NBN: variants seen among roughly 807,000 people sequenced by gnomAD.
The protein encoded by NBN is Nijmegen breakage syndrome 1 (nibrin).
A neutral mutation model predicts 90.8 loss-of-function variants in NBN; 88 were observed. The ratio of observed to expected loss-of-function variants is 0.97; its 90% CI spans 0.82 to 1.16. NBN has a LOEUF of 1.16. NBN is among the 50% of genes most tolerant of loss of function. The probability of loss-of-function intolerance (pLI) is 0.00; values close to 1 mark genes in which losing one functional copy is unlikely to be tolerated. For missense variants in NBN, 894 were observed against 869.6 expected (o/e 1.03, Z -0.35); for synonymous variants, 328 against 295.1 (o/e 1.11, Z -1.14).
At position 89,984,541 on chromosome 8, in the gene NBN, G is replaced by A. The variant is rs370050587; in HGVS notation, c.21C>T (p.Ala7=). The A allele has an allele frequency of 2.5e-6, 4 of 1,613,178 alleles. No homozygotes were observed. The highest frequency in any genetic ancestry group is 3.4e-6 in the Non-Finnish European group (4 of 1,179,758). The change falls in exon 1 of 16, where the codon GCC becomes GCT. Residue 7 remains alanine (A), a synonymous_variant. Transcript: ENST00000265433. ...TGCCCTTACCTCCTGCCGGGCCCGC[G>A]GCGGGCAGCAGTTTCCACATCGGTC... The part of the protein sequence containing the change: MWKLLP[A]AGPAGGEPYR...
intron 9 of NBN, among the ~76,000 whole-genome samples, chr8:89,956,197 GA>G (rs71560248): frequency 2.5e-4 from 35 of 141,158 alleles, no homozygotes; most frequent in East Asian, 8.1e-4. Flanking sequence ...TTATTTTACA[GA>G]AAAAAAAAAA....
intron 6 of NBN, 124 bp downstream of exon 6, chr8:89,971,049 T>C (rs1364900606): frequency 1.9e-6 from 2 of 1,069,164 alleles, no homozygotes; most frequent in Non-Finnish European, 2.7e-6. Context: ...GGTTTTTTTA[T>C]TCTACTTCAC....
Position 89,970,548 on chromosome 8 carries a change from A to G in NBN, c.712T>C (p.Leu238=), listed in dbSNP as rs748400884. 6.2e-7 allele frequency: 1 copy of G among 1,613,344 alleles called. No individual in the cohort carries two copies. Among genetic ancestry groups the G allele is most frequent in the African/African-American group, 1.3e-5 (1 of 75,024 alleles). ...IFLNAKQHKK[L]SSAVVFGGGE... is the part of the protein sequence containing the mutation. ...CCTCCAAAGACAACTGCGGAACTCA[A>G]TTTCTTATGCTAAAAATGGAAGGAA... The change falls in exon 7 of 16, where the codon TTG becomes CTG. Residue 238 remains leucine (L), a synonymous_variant. Transcript: ENST00000265433.
At chr8:89,971,373 CA>C in intron 5 of NBN, 83 bp from the exon 6 acceptor site, 1 of 1,439,510 alleles carries the variant, frequency 6.9e-7, no homozygotes, top group Non-Finnish European at 9.3e-7. Context: ...ATCTGACACT[CA>C]AAAGGCATAA....
chr8:89,975,372 C>A (rs1811704551), intron 5 of NBN, among the ~76,000 whole-genome samples: 2 of 152,132 alleles, frequency 1.3e-5, no homozygotes, highest in Admixed American at 6.6e-5. Context: ...TATTTCATAT[C>A]CTTTTCGTAA....
intron 14 of NBN, among the ~76,000 whole-genome samples, chr8:89,937,946 C>T (rs896083357): frequency 1.3e-5 from 2 of 152,168 alleles, no homozygotes; most frequent in East Asian, 3.9e-4. Flanking sequence ...CTTTTTTTCC[C>T]TCTTCCCACA....
At chr8:89,974,362 A>G (rs1811654480) in intron 5 of NBN, among the ~76,000 whole-genome samples, 1 of 150,380 alleles carries the variant, frequency 6.6e-6, no homozygotes, top group Non-Finnish European at 1.5e-5. Context: ...TACTAGTCAT[A>G]TTTCTTACCT....
chr8:89,979,723 T>C (rs1350781394), intron 4 of NBN, among the ~76,000 whole-genome samples: 3 of 152,178 alleles, frequency 2.0e-5, no homozygotes, highest in Non-Finnish European at 4.4e-5. Context: ...TTTTAACAAA[T>C]TACTCTGTAA....
At chr8:89,964,545 A>G (rs1811155616) in intron 7 of NBN, 38 bp from the exon 8 acceptor site, 1 of 1,535,906 alleles carries the variant, frequency 6.5e-7, no homozygotes, top group Non-Finnish European at 9.0e-7. Flanking sequence ...ATAATATATT[A>G]AAACTAGCAA....
In NBN at chr8:89,934,093, A is replaced by T. The variant is rs1809555661; in HGVS notation, c.*1489T>A. On this transcript the variant is annotated 3_prime_UTR_variant, in exon 16 of 16. Transcript: ENST00000265433. ...TAGAAAGGGATTGTGGGCATGACAG[A>T]GAACAATATTAATCTGTCCATTATA... is the stretch of plus-strand genomic sequence containing the variant. 1 of 230,296 alleles carries T rather than the reference A, an allele frequency of 4.3e-6. No homozygotes were observed. The highest frequency in any genetic ancestry group is 6.2e-5 in the East Asian group (1 of 16,106). The allele number at this position is 230,296 out of a possible 1,614,324, so 14.3% of individuals were successfully genotyped here.
chr8:89,950,244 T>C (rs1289449313), intron 11 of NBN, among the ~76,000 whole-genome samples: 1 of 152,150 alleles, frequency 6.6e-6, no homozygotes, highest in East Asian at 1.9e-4. Context: ...TGACTTCCCA[T>C]GGACACCAAA....
At chr8:89,983,695 T>G (rs1812182372) in intron 1 of NBN, among the ~76,000 whole-genome samples, 1 of 152,136 alleles carries the variant, frequency 6.6e-6, no homozygotes, top group Non-Finnish European at 1.5e-5. Context: ...GGAGTAACAG[T>G]ATATATATTG....
chr8:89,941,470 G>A (rs1359448214), intron 14 of NBN, among the ~76,000 whole-genome samples: 2 of 152,174 alleles, frequency 1.3e-5, no homozygotes, highest in East Asian at 1.9e-4. Flanking sequence ...TACCCATTCC[G>A]ACTTACAGTG....
At position 89,982,738 on chromosome 8, in the gene NBN, A is replaced by T. The variant is rs1812128449; in HGVS notation, c.155T>A (p.Phe52Tyr). ...SRNHAVLTAN[F>Y]SVTNLSQTDE... ...GTAACATACCAGGTTGGTTACAGAAAAGTTAGCAGTTAACACAGCATGATT... is the reference window on the plus strand; with the variant it reads ...GTAACATACCAGGTTGGTTACAGAATAGTTAGCAGTTAACACAGCATGATT... Residue 52 changes from phenylalanine (F) to tyrosine (Y), a missense_variant, in exon 2 of 16, where the codon TTT (phenylalanine) becomes TAT (tyrosine). Phe to Tyr is a conservative substitution (Grantham distance 22). Transcript: ENST00000265433. 3 of 1,613,864 alleles carry T rather than the reference A, an allele frequency of 1.9e-6. No individual in the cohort carries two copies. In the South Asian group the frequency reaches 3.3e-5, roughly 18 times the overall value.
At chr8:89,941,871 AT>A (rs1165491470) in intron 14 of NBN, among the ~76,000 whole-genome samples, 2 of 152,216 alleles carry the variant, frequency 1.3e-5, no homozygotes, top group Non-Finnish European at 2.9e-5. Context: ...CTCTACTTTC[AT>A]AAGTGACTTT....
At position 89,984,635 on chromosome 8, in the gene NBN, G is replaced by A; in HGVS notation, c.-74C>T. 1 of 1,588,696 alleles carries A rather than the reference G, an allele frequency of 6.3e-7. No homozygotes were observed. Among genetic ancestry groups the A allele is most frequent in the Non-Finnish European group, 8.6e-7 (1 of 1,167,714 alleles). On this transcript the variant is annotated 5_prime_UTR_variant, in exon 1 of 16. Transcript: ENST00000265433. ...GCTGCTAGACGAGCGCGGATACGGC[G>A]CCTGCGGTCGGCATGGGCTCCGGGA...
intron 5 of NBN, among the ~76,000 whole-genome samples, chr8:89,976,874 A>C (rs1009156200): frequency 6.6e-6 from 1 of 152,182 alleles, no homozygotes; most frequent in Non-Finnish European, 1.5e-5. Flanking sequence ...ATACAAAAAA[A>C]CTTCCCAGAT....
intron 4 of NBN, among the ~76,000 whole-genome samples, chr8:89,978,902 T>C (rs1374843994): frequency 6.6e-6 from 1 of 152,192 alleles, no homozygotes; most frequent in Non-Finnish European, 1.5e-5. Flanking sequence ...GCCTCAAATA[T>C]GATACATCCA....
chr8:89,959,695 AGTGAG>A (rs1754457448), intron 8 of NBN, among the ~76,000 whole-genome samples: 1 of 152,238 alleles, frequency 6.6e-6, no homozygotes, highest in Non-Finnish European at 1.5e-5. Flanking sequence ...TCAAGGCTGC[AGTGAG>A]CAGTGATTGT....
Sources: gnomAD v4.1 joint callset for allele counts (sites outside exome capture counted in the v4.1 genomes callset) on GRCh38, gnomAD v4.1.1 for gene constraint, MANE v1.5 for transcripts, NCBI Gene and HGNC (gene_info 2026-07-23, HGNC 2026-07-21) for gene names.